The following WEE2 variants were observed in gnomAD, a reference collection of about 807,000 sequenced individuals.
WEE2 encodes the protein wee1-like protein kinase 2.
In WEE2, 50 loss-of-function variants were observed where a neutral mutation model predicts 60.1. That is an observed-to-expected ratio of 0.83 (90% confidence interval 0.66 to 1.05). The LOEUF is 1.05. WEE2 is among the 50% of genes least tolerant of loss of function. The pLI is 0.00. For synonymous variants in WEE2, 240 were observed against 241.0 expected, an observed-to-expected ratio of 1.00 and a Z score of 0.04; for missense variants, 631 against 684.3, an observed-to-expected ratio of 0.92 and a Z score of 0.87.
intron 5 of WEE2, among the ~76,000 whole-genome samples, chr7:141,722,040 C>T (rs1409373931): frequency 6.6e-6 from 1 of 152,050 alleles, no homozygotes; most frequent in Non-Finnish European, 1.5e-5. Context: ...ATGAGTGGAG[C>T]TATGGTTTTT....
intron 10 of WEE2, among the ~76,000 whole-genome samples, chr7:141,728,332 T>C (rs1799057931): frequency 6.6e-6 from 1 of 152,324 alleles, no homozygotes; most frequent in Non-Finnish European, 1.5e-5. Context: ...TATACAGTCA[T>C]CCATCTTGGA....
chr7:141,716,277 G>T lies in WEE2; in HGVS notation c.585+10G>T. The T allele has an allele frequency of 6.2e-7, 1 of 1,612,536 alleles. No individual in the cohort carries two copies. The highest frequency in any genetic ancestry group is 8.5e-7 in the Non-Finnish European group (1 of 1,179,232). On this transcript the variant is annotated intron_variant, in intron 3 of 11. Coordinates refer to ENST00000397541, the MANE Select transcript of WEE2 (RefSeq NM_001105558.1). ...AGGGCTGCCTGCCAAGGTAAGCGTA[G>T]TTCTTTGTCCCAGCGGCCACAATAT...
intron 9 of WEE2, among the ~76,000 whole-genome samples, chr7:141,726,749 CTCTGAATTTGG>C (rs1367069052): frequency 2.0e-5 from 3 of 152,116 alleles, no homozygotes; most frequent in Admixed American, 6.5e-5. Context: ...GTGGAGTTGG[CTCTGAATTTGG>C]TCTGAATTTG....
At chr7:141,724,318 C>G (rs1365197655) in intron 8 of WEE2, 43 bp downstream of exon 8, 1 of 1,525,922 alleles carries the variant, frequency 6.6e-7, no homozygotes, top group Non-Finnish European at 8.9e-7. Flanking sequence ...ATCTGTTGAA[C>G]CTTTGACTCT....
chr7:141,721,646 T>C (rs995381303), intron 5 of WEE2, among the ~76,000 whole-genome samples: 1 of 151,988 alleles, frequency 6.6e-6, no homozygotes, highest in Non-Finnish European at 1.5e-5. Flanking sequence ...TTTTTTTTAA[T>C]AGAGGCGGGG....
In WEE2 at chr7:141,720,916, A is replaced by G. The variant is rs771280480; in HGVS notation, c.759-19A>G. On this transcript the variant is annotated intron_variant, in intron 4 of 11. Transcript: ENST00000397541. Reference sequence around the variant, plus strand: ...TCTTGATTGATGTTTTTATTCCTCAATGCTTTTCTGTCTCATAGGAATTCG... The same window carrying G: ...TCTTGATTGATGTTTTTATTCCTCAGTGCTTTTCTGTCTCATAGGAATTCG... 5.7e-5 allele frequency: 91 copies of G among 1,606,996 alleles called. No homozygotes were observed. The highest frequency in any genetic ancestry group is 3.3e-4 in the Middle Eastern group (2 of 6,040).
At chr7:141,728,282 C>T (rs966279252) in intron 10 of WEE2, 2 of 152,266 alleles carry the variant, frequency 1.3e-5, no homozygotes, top group East Asian at 3.9e-4. Flanking sequence ...GAAAAATTGT[C>T]CTTGCTTAAA....
In WEE2 at chr7:141,709,030, G is replaced by A. The variant is rs370110053; in HGVS notation, c.272G>A (p.Cys91Tyr). 20 of 1,614,126 alleles carry A rather than the reference G, an allele frequency of 1.2e-5. No individual in the cohort carries two copies. In the East Asian group the frequency reaches 3.6e-4, roughly 29 times the overall value. ...ACTCCAGTGTCACACCCTCTCAAAT[G>A]TCCTGAGACACCAGCCCAACCAGAC... ...LRTPVSHPLKCPETPAQPDSR... is the reference protein window; with the variant it reads ...LRTPVSHPLKYPETPAQPDSR... Residue 91 changes from cysteine to tyrosine, a missense_variant, in exon 1 of 12, where the codon TGT becomes TAT. Cys to Tyr is a radical substitution (Grantham distance 194, BLOSUM62 -2). Transcript: ENST00000397541.
chr7:141,727,118 G>A, intron 9 of WEE2, 186 bp from the exon 10 acceptor site: 1 of 573,220 alleles, frequency 1.7e-6, no homozygotes, highest in East Asian at 2.7e-5. Context: ...GACAACTGGT[G>A]CTACCAGACA....
chr7:141,717,896 A>G (rs1204771488), intron 3 of WEE2, among the ~76,000 whole-genome samples: 1 of 152,142 alleles, frequency 6.6e-6, no homozygotes, highest in African/African-American at 2.4e-5. Context: ...GTAGTCAAGT[A>G]GTGAGTGCGC....
chr7:141,718,973 T>C (rs1025201811), intron 3 of WEE2, 99 bp from the exon 4 acceptor site: 14 of 1,202,842 alleles, frequency 1.2e-5, no homozygotes, highest in Admixed American at 4.5e-5. Context: ...AAAAGTCTTT[T>C]TGAAAACTTG....
At chr7:141,727,216 G>C in intron 9 of WEE2, 88 bp from the exon 10 acceptor site, 4 of 1,412,126 alleles carry the variant, frequency 2.8e-6, no homozygotes, top group Non-Finnish European at 3.9e-6. Flanking sequence ...AATCCACCAG[G>C]AGAAGCTGGG....
At position 141,720,921 on chromosome 7, in the gene WEE2, T is replaced by C. The variant is rs776892737; in HGVS notation, c.759-14T>C. On this transcript the variant is annotated splice_polypyrimidine_tract_variant and intron_variant, in intron 4 of 11. Transcript: ENST00000397541. ...ATTGATGTTTTTATTCCTCAATGCTTTTCTGTCTCATAGGAATTCGGCTTT... is the reference window on the plus strand; with the variant it reads ...ATTGATGTTTTTATTCCTCAATGCTCTTCTGTCTCATAGGAATTCGGCTTT... The C allele has an allele frequency of 6.2e-7, 1 of 1,608,232 alleles. No homozygotes were observed. Among genetic ancestry groups the C allele is most frequent in the South Asian group, 1.1e-5 (1 of 90,924 alleles).
chr7:141,721,063 A>G lies in WEE2; in HGVS notation c.880+7A>G. 1 of 1,613,902 alleles carries G rather than the reference A, an allele frequency of 6.2e-7. No homozygotes were observed. The highest frequency in any genetic ancestry group is 8.5e-7 in the Non-Finnish European group (1 of 1,179,978). ...CAGAATGAATACTGCAATGGTAAGT[A>G]GTATATAGATGAATAACTACGAAGA... On this transcript the variant is annotated splice_region_variant and intron_variant, in intron 5 of 11. Coordinates refer to ENST00000397541, the MANE Select transcript of WEE2 (RefSeq NM_001105558.1).
chr7:141,712,261 C>T (rs1563012055), intron 1 of WEE2, among the ~76,000 whole-genome samples: 1 of 152,124 alleles, frequency 6.6e-6, no homozygotes, highest in African/African-American at 2.4e-5. Context: ...GTTGACTGGG[C>T]CTTTAAAATC....
At chr7:141,710,618 G>A (rs1024164233) in intron 1 of WEE2, among the ~76,000 whole-genome samples, 2 of 152,198 alleles carry the variant, frequency 1.3e-5, no homozygotes, top group Non-Finnish European at 2.9e-5. Flanking sequence ...TATCAGGGAA[G>A]ACTTTCCAAA....
chr7:141,721,324 A>G (rs951173428), intron 5 of WEE2, among the ~76,000 whole-genome samples: 1 of 152,220 alleles, frequency 6.6e-6, no homozygotes, highest in African/African-American at 2.4e-5. Context: ...GGGCAAGTGA[A>G]GATGAGTTAG....
At chr7:141,712,208 C>T (rs542920793) in intron 1 of WEE2, among the ~76,000 whole-genome samples, 2 of 152,036 alleles carry the variant, frequency 1.3e-5, no homozygotes, top group South Asian at 4.2e-4. Flanking sequence ...AACATCCAAA[C>T]ATCCCAATAA....
intron 1 of WEE2, 32 bp downstream of exon 1, chr7:141,709,132 G>T: frequency 6.3e-7 from 1 of 1,585,192 alleles, no homozygotes; most frequent in African/African-American, 1.3e-5. Context: ...AAGGGACGCA[G>T]GTCGCCAAGC....
Sources: gnomAD v4.1 joint callset for allele counts (sites outside exome capture counted in the v4.1 genomes callset) on GRCh38, gnomAD v4.1.1 for gene constraint, MANE v1.5 for transcripts, NCBI Gene and HGNC (gene_info 2026-07-23, HGNC 2026-07-21) for gene names.